CFAP77: variants seen among roughly 807,000 people sequenced by gnomAD.
CFAP77 encodes the protein cilia- and flagella-associated protein 77.
A neutral mutation model predicts 31.1 loss-of-function variants in CFAP77; 25 were observed. The ratio of observed to expected loss-of-function variants is 0.80; its 90% CI spans 0.59 to 1.12. The LOEUF (loss-of-function observed/expected upper bound fraction) is 1.12. Among genes scored for constraint, CFAP77 ranks in the 50% most tolerant of loss-of-function variants. The pLI, the probability that CFAP77 is intolerant of heterozygous loss-of-function variation, is 0.00. For synonymous variants in CFAP77, 151 were observed against 159.9 expected (o/e 0.94, Z 0.42); for missense variants, 377 against 397.3 (o/e 0.95, Z 0.44).
chr9:132,572,638 C>A lies in CFAP77; in HGVS notation c.*128C>A. 1 of 960,650 alleles carries A rather than the reference C, an allele frequency of 1.0e-6. No individual in the cohort carries two copies. The highest frequency in any genetic ancestry group is 1.5e-6 in the Non-Finnish European group (1 of 661,548). The allele number at this position is 960,650 out of a possible 1,614,324, so 59.5% of individuals were successfully genotyped here. On this transcript the variant is annotated 3_prime_UTR_variant, in exon 6 of 6. Coordinates refer to ENST00000393216, the MANE Select transcript of CFAP77 (RefSeq NM_001282957.2). ...GGTTCTGCTTCAAGGAGCTCAGATT[C>A]AAGTCTTAGGCTAATTGTTTTTGGT...
chr9:132,563,560 T>C (rs1489150763), intron 5 of CFAP77, among the ~76,000 whole-genome samples: 2 of 152,174 alleles, frequency 1.3e-5, no homozygotes, highest in Non-Finnish European at 2.9e-5. Flanking sequence ...TTCCCGGCAT[T>C]TATTGACATG....
intron 1 of CFAP77, among the ~76,000 whole-genome samples, chr9:132,482,719 G>A (rs1851469611): frequency 6.7e-6 from 1 of 149,022 alleles, no homozygotes; most frequent in African/African-American, 2.5e-5. Flanking sequence ...GGGCTGCCAA[G>A]GCAGCCTAGT....
chr9:132,418,121 A>G (rs994836046), intron 1 of CFAP77, among the ~76,000 whole-genome samples: 14 of 152,258 alleles, frequency 9.2e-5, no homozygotes, highest in African/African-American at 3.4e-4. Flanking sequence ...TCGGATTCAA[A>G]TGAGATACTA....
At chr9:132,487,064 T>TC (rs934319615) in intron 1 of CFAP77, among the ~76,000 whole-genome samples, 1 of 152,170 alleles carries the variant, frequency 6.6e-6, no homozygotes, top group African/African-American at 2.4e-5. Flanking sequence ...CTGGAGGGGC[T>TC]CCCCACGGTC....
intron 1 of CFAP77, among the ~76,000 whole-genome samples, chr9:132,456,021 G>A (rs74873453): frequency 0.056 from 8,536 of 152,174 alleles, 778 homozygotes; most frequent in African/African-American, 0.19. Context: ...CTGCCGTGGC[G>A]ATTCAATGAG....
At chr9:132,457,123 C>T (rs1218385425) in intron 1 of CFAP77, among the ~76,000 whole-genome samples, 4 of 152,096 alleles carry the variant, frequency 2.6e-5, no homozygotes, top group Non-Finnish European at 4.4e-5. Context: ...GCTGACTGAG[C>T]CCCCTAAACC....
At chr9:132,542,898 C>T in intron 4 of CFAP77, 48 bp from the exon 5 acceptor site, 1 of 1,476,296 alleles carries the variant, frequency 6.8e-7, no homozygotes, top group African/African-American at 1.4e-5. Context: ...ACGGCCTTCT[C>T]CAAGTAGCCG....
At chr9:132,450,180 T>C (rs1850801960) in intron 1 of CFAP77, among the ~76,000 whole-genome samples, 1 of 150,818 alleles carries the variant, frequency 6.6e-6, no homozygotes, top group South Asian at 2.1e-4. Flanking sequence ...TCTGCCCGCC[T>C]CGCCCTCCCA....
intron 3 of CFAP77, among the ~76,000 whole-genome samples, chr9:132,522,411 A>G (rs7026201): frequency 0.12 from 18,901 of 152,112 alleles, 1,348 homozygotes; most frequent in African/African-American, 0.18. Context: ...TACCTTTTCC[A>G]TGCTCATTTA....
Position 132,438,536 on chromosome 9 carries a change from TATATA to T in CFAP77, c.195+28071_195+28075del, listed in dbSNP as rs1202484232. Among the ~76,000 whole-genome samples the T allele has an allele frequency of 3.5e-3, 411 of 117,530 alleles. 5 individuals carry two copies. The highest frequency in any genetic ancestry group is 0.017 in the African/African-American group (401 of 23,972). The allele number at this position is 117,530 out of a possible 152,430, so 77.1% of individuals were successfully genotyped here. A position where few individuals can be genotyped will look rare whatever the true frequency, so the allele number is the denominator to read the frequency against. Reference sequence around the variant, plus strand: ...CAGATATGGTATATATATATATATATATATATTTTTTTTTTTTTTTTTAGACAGGG... The same window carrying T: ...CAGATATGGTATATATATATATATATTTTTTTTTTTTTTTTTTAGACAGGG... On this transcript the variant is annotated intron_variant, in intron 1 of 5. Coordinates refer to ENST00000393216, the MANE Select transcript of CFAP77 (RefSeq NM_001282957.2).
chr9:132,442,728 G>A (rs1339472773), intron 1 of CFAP77, among the ~76,000 whole-genome samples: 2 of 151,144 alleles, frequency 1.3e-5, no homozygotes, highest in Non-Finnish European at 2.9e-5. Flanking sequence ...TTTTTGTAGA[G>A]ATGGGATCTT....
At chr9:132,520,342 A>G (rs1473834571) in intron 3 of CFAP77, among the ~76,000 whole-genome samples, 2 of 152,236 alleles carry the variant, frequency 1.3e-5, no homozygotes, top group Middle Eastern at 3.4e-3. Flanking sequence ...TGGGTATCCA[A>G]TGAAGATATA....
chr9:132,498,884 G>A lies in CFAP77; in HGVS notation c.295+90G>A. 1 of 932,762 alleles carries A rather than the reference G, an allele frequency of 1.1e-6. No individual in the cohort carries two copies. Among genetic ancestry groups the A allele is most frequent in the Non-Finnish European group, 1.6e-6 (1 of 607,422 alleles). 57.8% of individuals were successfully genotyped at this position (932,762 alleles called of 1,614,324 possible). ...ACCCCTTGACCTAGCTCGCTGCTTGGCAGCTGGTTGGGTGCTGGAGAAAGA... is the reference window on the plus strand; with the variant it reads ...ACCCCTTGACCTAGCTCGCTGCTTGACAGCTGGTTGGGTGCTGGAGAAAGA... On this transcript the variant is annotated intron_variant, in intron 2 of 5. Transcript: ENST00000393216. This position sits in a 1 kb window ranked among gnomAD's most constrained non-coding sequence, Gnocchi z 4.2.
intron 1 of CFAP77, among the ~76,000 whole-genome samples, chr9:132,454,275 G>A (rs978559068): frequency 6.6e-6 from 1 of 152,098 alleles, no homozygotes; most frequent in Admixed American, 6.5e-5. Context: ...CAGGAGGGTT[G>A]TAACTCATCT....
intron 1 of CFAP77, among the ~76,000 whole-genome samples, chr9:132,419,653 C>T (rs1195459522): frequency 6.6e-6 from 1 of 152,140 alleles, no homozygotes; most frequent in African/African-American, 2.4e-5. Context: ...ATCTGCTTCC[C>T]AGGAGATCTT....
intron 5 of CFAP77, among the ~76,000 whole-genome samples, chr9:132,566,599 G>A (rs558224810): frequency 2.0e-4 from 31 of 152,200 alleles, no homozygotes; most frequent in Non-Finnish European, 4.0e-4. Context: ...TGTTTTTTTG[G>A]TTAGGGATTT....
Position 132,537,634 on chromosome 9 carries a change from C to T in CFAP77, c.558C>T (p.His186=). The T allele has an allele frequency of 6.2e-7, 1 of 1,613,410 alleles. No homozygotes were observed. The highest frequency in any genetic ancestry group is 8.5e-7 in the Non-Finnish European group (1 of 1,179,650). Residue 186 remains histidine (H), a synonymous_variant, in exon 4 of 6, where the codon CAC becomes CAT. Coordinates refer to ENST00000393216, the MANE Select transcript of CFAP77 (RefSeq NM_001282957.2). ...CACCCTTCTTTGATCTGCTGCAGCA[C>T]CGGTACCTGCAGCTGTGGGTACAGG... ...PSTPFFDLLQ[H]RYLQLWVQEQ...
Position 132,565,631 on chromosome 9 carries a change from T to TA in CFAP77, c.733-6746dup, listed in dbSNP as rs202200098. Among the ~76,000 whole-genome samples, 47 of 144,854 alleles carry TA rather than the reference T, an allele frequency of 3.2e-4. No individual in the cohort carries two copies. Among genetic ancestry groups the TA allele is most frequent in the African/African-American group, 4.5e-4 (18 of 39,712 alleles). On this transcript the variant is annotated intron_variant, in intron 5 of 5. Transcript: ENST00000393216. The surrounding 1 kb of genome is among the most constrained non-coding windows in gnomAD (Gnocchi z 4.1). ...GGGCAACGAGAATGAAACCCCTTCTTAAAAAAAAAAAGAAGATAGCTCTTG... is the reference window on the plus strand; with the variant it reads ...GGGCAACGAGAATGAAACCCCTTCTTAAAAAAAAAAAAGAAGATAGCTCTTG...
rs1851637773 is a variant in CFAP77, at chr9:132,490,626, TC to T, written c.196-8065del. On this transcript the variant is annotated intron_variant, in intron 1 of 5. Coordinates refer to ENST00000393216, the MANE Select transcript of CFAP77 (RefSeq NM_001282957.2). The surrounding 1 kb of genome is among the most constrained non-coding windows in gnomAD (Gnocchi z 4.6). ...GCTCCAGGCCGCTCCCTGCTCTAAG[TC>T]CCCTTGGCCCTCTTACCCTCCCTGG... 6.6e-6 allele frequency among the ~76,000 whole-genome samples: 1 copy of T among 152,094 alleles called. No homozygotes were observed. The highest frequency in any genetic ancestry group is 1.5e-5 in the Non-Finnish European group (1 of 67,998).
Sources: gnomAD v4.1 joint callset for allele counts (sites outside exome capture counted in the v4.1 genomes callset) on GRCh38, gnomAD v4.1.1 for gene constraint, Gnocchi (gnomAD v3.1) non-coding constraint, MANE v1.5 for transcripts, NCBI Gene and HGNC (gene_info 2026-07-23, HGNC 2026-07-21) for gene names.